The following NCAM1 variants were observed in gnomAD, a reference collection of about 807,000 sequenced individuals.
NCAM1 encodes the protein antigen recognized by monoclonal antibody 5.1H11.
A neutral mutation model predicts 109.8 loss-of-function variants in NCAM1; 14 were observed. The observed-to-expected ratio is 0.13, with a 90% CI of 0.08 to 0.20. The LOEUF is 0.20. Ranked by LOEUF, NCAM1 falls within the 10% of genes least tolerant of loss-of-function variation. The probability of loss-of-function intolerance (pLI) is 1.00; values close to 1 mark genes in which losing one functional copy is unlikely to be tolerated. For synonymous variants in NCAM1, 418 were observed against 442.9 expected, an observed-to-expected ratio of 0.94 and a Z score of 0.70; for missense variants, 774 against 1,109.9, an observed-to-expected ratio of 0.70 and a Z score of 4.30.
At chr11:112,972,257 G>A (rs1950904467) in intron 1 of NCAM1, among the ~76,000 whole-genome samples, 1 of 152,080 alleles carries the variant, frequency 6.6e-6, no homozygotes, top group Non-Finnish European at 1.5e-5. Context: ...AAGAGACTAG[G>A]AAGACTCAAA....
intron 1 of NCAM1, among the ~76,000 whole-genome samples, chr11:112,979,762 T>C (rs1403474433): frequency 6.6e-6 from 1 of 151,868 alleles, no homozygotes; most frequent in East Asian, 1.9e-4. Flanking sequence ...TCTAAAACAA[T>C]GGGCTCCCAT....
chr11:113,062,431 T>C (rs562641735), intron 1 of NCAM1, among the ~76,000 whole-genome samples: 13 of 152,326 alleles, frequency 8.5e-5, no homozygotes, highest in African/African-American at 2.9e-4. Flanking sequence ...CGTGATGTTC[T>C]GGGCGCTGGA....
intron 1 of NCAM1, among the ~76,000 whole-genome samples, chr11:113,084,215 G>A (rs1938977479): frequency 6.6e-6 from 1 of 151,940 alleles, no homozygotes; most frequent in Non-Finnish European, 1.5e-5. Flanking sequence ...CCACTCTCAG[G>A]GCCCATCCTC....
At chr11:112,978,337 C>A (rs143666259) in intron 1 of NCAM1, among the ~76,000 whole-genome samples, 1 of 151,660 alleles carries the variant, frequency 6.6e-6, no homozygotes, top group Non-Finnish European at 1.5e-5. Context: ...TTAGAAAATA[C>A]GTGATTCGGT....
At chr11:113,239,979 A>G (rs1201337232) in intron 14 of NCAM1, among the ~76,000 whole-genome samples, 2 of 152,164 alleles carry the variant, frequency 1.3e-5, no homozygotes, top group Non-Finnish European at 2.9e-5. Flanking sequence ...ACTTCCAAAT[A>G]TTTGCCAATG....
At chr11:113,094,338 G>A (rs59411144) in intron 1 of NCAM1, among the ~76,000 whole-genome samples, 13,054 of 152,236 alleles carry the variant, frequency 0.086, 968 homozygotes, top group Admixed American at 0.18. Flanking sequence ...TGATTTGTCA[G>A]AATCACTGTA....
At chr11:113,259,272 C>G (rs991236851) in intron 16 of NCAM1, among the ~76,000 whole-genome samples, 1 of 151,598 alleles carries the variant, frequency 6.6e-6, no homozygotes, top group African/African-American at 2.4e-5. Context: ...GGGATGGTCT[C>G]GATCTCCTGA....
At chr11:113,104,972 G>A (rs979477028) in intron 1 of NCAM1, among the ~76,000 whole-genome samples, 2 of 152,182 alleles carry the variant, frequency 1.3e-5, no homozygotes, top group Non-Finnish European at 2.9e-5. Context: ...TCATTTGAAT[G>A]AGGTGGTGTC....
At chr11:113,069,881 C>T (rs1938178377) in intron 1 of NCAM1, among the ~76,000 whole-genome samples, 1 of 152,144 alleles carries the variant, frequency 6.6e-6, no homozygotes, top group South Asian at 2.1e-4. Flanking sequence ...ACCTGGAATG[C>T]AGTGGCCAGA....
At chr11:113,115,013 G>A (rs1256155134) in intron 1 of NCAM1, among the ~76,000 whole-genome samples, 2 of 152,130 alleles carry the variant, frequency 1.3e-5, no homozygotes, top group African/African-American at 2.4e-5. Context: ...AGAAAAGACC[G>A]TTATAAATCT....
Position 113,278,309 on chromosome 11 carries a change from C to T in NCAM1, c.*2922C>T, listed in dbSNP as rs1336045678. On this transcript the variant is annotated 3_prime_UTR_variant, in exon 20 of 20. Coordinates refer to ENST00000316851, the MANE Select transcript of NCAM1 (RefSeq NM_181351.5). Reference sequence around the variant, plus strand: ...TCTCTCTTGTTATAAAACTTTTTACCAAGTGAAACATCGATACCACCTTTG... The same window carrying T: ...TCTCTCTTGTTATAAAACTTTTTACTAAGTGAAACATCGATACCACCTTTG... The T allele has an allele frequency of 6.6e-6, 1 of 152,164 alleles. No individual in the cohort carries two copies. Among genetic ancestry groups the T allele is most frequent in the Non-Finnish European group, 1.5e-5 (1 of 68,034 alleles). 9.4% of individuals were successfully genotyped at this position (152,164 alleles called of 1,614,324 possible). A position where few individuals can be genotyped will look rare whatever the true frequency, so the allele number is the denominator to read the frequency against.
intron 7 of NCAM1, 69 bp from the exon 8 acceptor site, chr11:113,214,300 G>A (rs1944465855): frequency 6.5e-7 from 1 of 1,531,034 alleles, no homozygotes; most frequent in South Asian, 1.2e-5. Context: ...TTGGATAGGT[G>A]CATGCCATCA....
At chr11:113,110,487 G>T (rs1217990462) in intron 1 of NCAM1, among the ~76,000 whole-genome samples, 1 of 152,156 alleles carries the variant, frequency 6.6e-6, no homozygotes, top group African/African-American at 2.4e-5. Context: ...CCCTATTGTG[G>T]TATGAATAAA....
At chr11:113,169,020 C>T (rs1303810846) in intron 1 of NCAM1, among the ~76,000 whole-genome samples, 2 of 147,152 alleles carry the variant, frequency 1.4e-5, no homozygotes, top group Non-Finnish European at 3.0e-5. Context: ...AGAGAAGATC[C>T]TCTCTCTTCC....
chr11:113,210,465 T>C (rs17115184), intron 7 of NCAM1, among the ~76,000 whole-genome samples: 14,150 of 152,032 alleles, frequency 0.093, 731 homozygotes, highest in East Asian at 0.25. Flanking sequence ...ACAAATTGTA[T>C]CTGAATTATG....
intron 1 of NCAM1, among the ~76,000 whole-genome samples, chr11:113,193,034 A>G (rs1407318652): frequency 2.6e-5 from 4 of 152,158 alleles, no homozygotes; most frequent in African/African-American, 9.7e-5. Context: ...GTTGTGTTCT[A>G]TATAAGACTG....
chr11:113,070,567 C>T (rs1309929539), intron 1 of NCAM1, among the ~76,000 whole-genome samples: 2 of 151,816 alleles, frequency 1.3e-5, no homozygotes, highest in African/African-American at 4.8e-5. Context: ...TGGACGGGAT[C>T]GCAGAGGAAG....
chr11:112,961,428 T>G lies in NCAM1; in HGVS notation c.-185T>G, dbSNP rs1555062732. The G allele has an allele frequency of 2.6e-6, 2 of 762,110 alleles. No homozygotes were observed. Among genetic ancestry groups the G allele is most frequent in the Non-Finnish European group, 4.9e-6 (2 of 410,808 alleles). The allele number at this position is 762,110 out of a possible 1,614,324, so 47.2% of individuals were successfully genotyped here. On this transcript the variant is annotated 5_prime_UTR_variant, in exon 1 of 20. Transcript: ENST00000316851. ...CTGAGGCTGGGACTGTCACTCATTC[T>G]CCGATCAGCGCGTGAACGCAGCTCG...
At chr11:113,027,527 T>A (rs1418762498) in intron 1 of NCAM1, among the ~76,000 whole-genome samples, 1 of 152,204 alleles carries the variant, frequency 6.6e-6, no homozygotes, top group Non-Finnish European at 1.5e-5. Flanking sequence ...TTAGTTCTTA[T>A]AATCACTGTT....
Sources: allele counts gnomAD v4.1 joint callset (sites outside exome capture counted in the v4.1 genomes callset), GRCh38; gene constraint gnomAD v4.1.1; transcripts MANE v1.5; gene names NCBI Gene and HGNC (gene_info 2026-07-23, HGNC 2026-07-21).